Variants in WDR72 observed in about 807,000 individuals in gnomAD.
The protein encoded by WDR72 is WD repeat domain 72.
Under a neutral mutation model 124.2 loss-of-function variants are expected in WDR72, and 120 were observed. That is an observed-to-expected ratio of 0.97 (90% confidence interval 0.83 to 1.12). The LOEUF (loss-of-function observed/expected upper bound fraction) is 1.12. Ranked by LOEUF, WDR72 falls within the 50% of genes most tolerant of loss-of-function variation. WDR72 has a pLI of 0.00. For synonymous variants in WDR72, 452 were observed against 441.7 expected, an observed-to-expected ratio of 1.02 and a Z score of -0.29; for missense variants, 1,387 against 1,278.8, an observed-to-expected ratio of 1.08 and a Z score of -1.29.
At chr15:53,711,177 A>T in intron 8 of WDR72, 159 bp downstream of exon 8, 1 of 1,068,120 alleles carries the variant, frequency 9.4e-7, no homozygotes, top group Non-Finnish European at 1.4e-6. Context: ...TTTTGTACAA[A>T]GGCTGAAGCC....
chr15:53,537,557 C>G (rs923758719), intron 18 of WDR72, among the ~76,000 whole-genome samples: 1 of 152,120 alleles, frequency 6.6e-6, no homozygotes, highest in African/African-American at 2.4e-5. Flanking sequence ...GTCTCTGTTT[C>G]TTCATTTATA....
rs547266991 is a variant in WDR72, at chr15:53,649,839, T to C, written c.1962+15733A>G. Among the ~76,000 whole-genome samples, 11 of 152,074 alleles carry C rather than the reference T, an allele frequency of 7.2e-5. No homozygotes were observed. The South Asian group carries it at 1.4e-3, about 20-fold the overall frequency. On this transcript the variant is annotated intron_variant, in intron 14 of 19. Transcript: ENST00000360509. ...TAGAGAAATTGGAATCCTAGCACACTGTGGGTAGAAATGCAATGGTGTAGC... is the reference window on the plus strand; with the variant it reads ...TAGAGAAATTGGAATCCTAGCACACCGTGGGTAGAAATGCAATGGTGTAGC...
chr15:53,720,431 C>G (rs1258420225), intron 3 of WDR72, among the ~76,000 whole-genome samples: 1 of 152,158 alleles, frequency 6.6e-6, no homozygotes. Flanking sequence ...TTCCTTCTTC[C>G]ATCTCAAATC....
At chr15:53,675,745 A>G (rs1266393136) in intron 13 of WDR72, among the ~76,000 whole-genome samples, 1 of 152,214 alleles carries the variant, frequency 6.6e-6, no homozygotes, top group African/African-American at 2.4e-5. Flanking sequence ...TCAGATCAAT[A>G]TCTTGCTGAG....
chr15:53,514,264 A>C lies in WDR72; in HGVS notation c.*3435T>G, dbSNP rs548926034. On this transcript the variant is annotated 3_prime_UTR_variant, in exon 20 of 20. Coordinates refer to ENST00000360509, the MANE Select transcript of WDR72 (RefSeq NM_182758.4). ...TGTGGAGAATAAAGGAGTCTATAACACCGCTTTTATATAACTGAGCAATCA... is the reference window on the plus strand; with the variant it reads ...TGTGGAGAATAAAGGAGTCTATAACCCCGCTTTTATATAACTGAGCAATCA... 3.3e-5 allele frequency: 5 copies of C among 152,304 alleles called. No individual in the cohort carries two copies. In the East Asian group the frequency reaches 9.6e-4, roughly 29 times the overall value. The allele number at this position is 152,304 out of a possible 1,614,324, so 9.4% of individuals were successfully genotyped here. A position where few individuals can be genotyped will look rare whatever the true frequency, so the allele number is the denominator to read the frequency against.
At chr15:53,637,385 C>G (rs1307020547) in intron 14 of WDR72, among the ~76,000 whole-genome samples, 1 of 152,116 alleles carries the variant, frequency 6.6e-6, no homozygotes, top group Non-Finnish European at 1.5e-5. Flanking sequence ...TTCCCCAGAA[C>G]ATTTTTACTT....
At chr15:53,738,230 G>C (rs1400901704) in intron 1 of WDR72, among the ~76,000 whole-genome samples, 1 of 151,930 alleles carries the variant, frequency 6.6e-6, no homozygotes, top group Non-Finnish European at 1.5e-5. Flanking sequence ...TAAGAAAAAA[G>C]ACAGCAAATT....
chr15:53,591,685 A>AACACACACACAC (rs67873847), intron 18 of WDR72, among the ~76,000 whole-genome samples: 16 of 148,930 alleles, frequency 1.1e-4, no homozygotes, highest in Non-Finnish European at 1.3e-4. Context: ...CAACACACAC[A>AACACACACACAC]ACACACACAC....
chr15:53,757,141 C>T (rs1296496982), intron 1 of WDR72, among the ~76,000 whole-genome samples: 1 of 152,144 alleles, frequency 6.6e-6, no homozygotes, highest in African/African-American at 2.4e-5. Flanking sequence ...GCAAGGACTT[C>T]AAAGCTGACC....
chr15:53,712,961 T>A, intron 6 of WDR72, 70 bp from the exon 7 acceptor site: 1 of 1,544,846 alleles, frequency 6.5e-7, no homozygotes, highest in South Asian at 1.1e-5. Flanking sequence ...GAAGACCTGC[T>A]TCCCGTACAT....
At position 53,689,516 on chromosome 15, in the gene WDR72, A is replaced by C. The variant is rs1228334414; in HGVS notation, c.1765+10234T>G. ...AAATGCAAATCAAAACCACAATGAGATACCATCTCACACCAGTTAGAATGG... is the reference window on the plus strand; with the variant it reads ...AAATGCAAATCAAAACCACAATGAGCTACCATCTCACACCAGTTAGAATGG... On this transcript the variant is annotated intron_variant, in intron 13 of 19. Coordinates refer to ENST00000360509, the MANE Select transcript of WDR72 (RefSeq NM_182758.4). Among the ~76,000 whole-genome samples the C allele has an allele frequency of 6.7e-5, 10 of 149,054 alleles. 1 individual carries two copies. The East Asian group carries it at 2.0e-3, about 29-fold the overall frequency.
chr15:53,666,082 T>C (rs13329446), intron 13 of WDR72, among the ~76,000 whole-genome samples: 1,709 of 152,324 alleles, frequency 0.011, 23 homozygotes, highest in African/African-American at 0.04. Flanking sequence ...CAATAACACA[T>C]AACTATGGAA....
intron 17 of WDR72, among the ~76,000 whole-genome samples, chr15:53,600,208 T>C (rs2012981604): frequency 6.6e-6 from 1 of 151,946 alleles, no homozygotes; most frequent in Non-Finnish European, 1.5e-5. Flanking sequence ...GGAAGTATAA[T>C]TTATTGACAG....
chr15:53,632,232 C>T (rs2014456822), intron 14 of WDR72, among the ~76,000 whole-genome samples: 1 of 152,098 alleles, frequency 6.6e-6, no homozygotes, highest in Non-Finnish European at 1.5e-5. Flanking sequence ...CCTGCTACTC[C>T]AGCACCAGTT....
intron 9 of WDR72, 107 bp downstream of exon 9, chr15:53,710,750 T>C: frequency 1.1e-6 from 1 of 875,306 alleles, no homozygotes. Flanking sequence ...CTTGATGGGA[T>C]GCTTCAATTC....
intron 14 of WDR72, among the ~76,000 whole-genome samples, chr15:53,654,352 T>G (rs1352819561): frequency 3.9e-5 from 6 of 152,202 alleles, no homozygotes; most frequent in Non-Finnish European, 8.8e-5. Context: ...ATTATACCCT[T>G]TATACAGATA....
At chr15:53,629,213 TGA>T (rs888410502) in intron 14 of WDR72, among the ~76,000 whole-genome samples, 16 of 86,898 alleles carry the variant, frequency 1.8e-4, no homozygotes, top group South Asian at 3.5e-4. Context: ...AGAGAGAGAG[TGA>T]GAGAGAGAGA....
intron 14 of WDR72, among the ~76,000 whole-genome samples, chr15:53,637,236 TGAA>T (rs1198494544): frequency 1.3e-5 from 2 of 152,214 alleles, no homozygotes; most frequent in Non-Finnish European, 2.9e-5. Flanking sequence ...ATCTTATAAT[TGAA>T]GAGAAATAAA....
chr15:53,721,657 C>T (rs77609290), intron 3 of WDR72, among the ~76,000 whole-genome samples: 1,714 of 152,284 alleles, frequency 0.011, 32 homozygotes, highest in African/African-American at 0.039. Context: ...TCTGTTTATA[C>T]AAGCTGGACC....
Sources: allele counts gnomAD v4.1 joint callset (sites outside exome capture counted in the v4.1 genomes callset), GRCh38; gene constraint gnomAD v4.1.1; transcripts MANE v1.5; gene names NCBI Gene and HGNC (gene_info 2026-07-23, HGNC 2026-07-21).